PXDNL: variants seen among roughly 807,000 people sequenced by gnomAD.
PXDNL encodes the protein peroxidasin like.
PXDNL carries 145 observed loss-of-function variants against 150.8 expected under a neutral mutation model. The ratio of observed to expected loss-of-function variants is 0.96; its 90% CI spans 0.84 to 1.10. The LOEUF (loss-of-function observed/expected upper bound fraction) is 1.10, where lower values mean the gene tolerates loss of function less well. PXDNL is among the 50% of genes least tolerant of loss of function. The pLI is 0.00. For missense variants in PXDNL, 2,087 were observed against 1,873.9 expected (o/e 1.11, Z -2.10); for synonymous variants, 757 against 725.7 (o/e 1.04, Z -0.69).
At chr8:51,378,185 A>C (rs1303568954) in intron 17 of PXDNL, among the ~76,000 whole-genome samples, 2 of 152,096 alleles carry the variant, frequency 1.3e-5, no homozygotes, top group Non-Finnish European at 2.9e-5. Flanking sequence ...GTCTAGCTCA[A>C]GGTCTGTAAA....
intron 1 of PXDNL, among the ~76,000 whole-genome samples, chr8:51,744,293 G>A (rs71512158): frequency 2.1e-4 from 29 of 139,428 alleles, no homozygotes; most frequent in South Asian, 7.0e-4. Context: ...AGGAAAGAAG[G>A]AAGAAAGAAA....
In PXDNL at chr8:51,408,458, CA is replaced by C. The variant is rs755399673; in HGVS notation, c.3165del (p.Phe1055LeufsTer5). 6.2e-7 allele frequency: 1 copy of C among 1,613,912 alleles called. No homozygotes were observed. The highest frequency in any genetic ancestry group is 2.2e-5 in the East Asian group (1 of 44,884). On this transcript the variant is annotated frameshift_variant, in exon 17 of 23. Coordinates refer to ENST00000356297, the MANE Select transcript of PXDNL (RefSeq NM_144651.5). LOFTEE classifies it high-confidence loss of function. ...AGAATAGGATTGATTAATGTGTGGC[CA>C]AATCTAAAGGCTGCAGTAGCAAAAG... The part of the protein sequence containing the change: ...INSFATAAFR[F>X]GHTLINPILY...
intron 2 of PXDNL, among the ~76,000 whole-genome samples, chr8:51,617,974 G>T (rs963280209): frequency 6.6e-6 from 1 of 152,182 alleles, no homozygotes; most frequent in African/African-American, 2.4e-5. Context: ...GCTCCAATAC[G>T]GGGATTTCCA....
At chr8:51,496,098 C>T (rs1010438967) in intron 5 of PXDNL, among the ~76,000 whole-genome samples, 1 of 152,222 alleles carries the variant, frequency 6.6e-6, no homozygotes, top group African/African-American at 2.4e-5. Context: ...AAGTGGGCTT[C>T]ATCCCTGGGA....
intron 21 of PXDNL, among the ~76,000 whole-genome samples, chr8:51,326,285 G>A (rs1805483858): frequency 6.6e-6 from 1 of 152,156 alleles, no homozygotes; most frequent in African/African-American, 2.4e-5. Context: ...ATCACTTGAG[G>A]TCAGGATTTC....
intron 10 of PXDNL, among the ~76,000 whole-genome samples, chr8:51,452,587 G>A (rs541203257): frequency 6.6e-6 from 1 of 152,254 alleles, no homozygotes; most frequent in South Asian, 2.1e-4. Flanking sequence ...GGGCCACTGG[G>A]GCTCACTGTT....
In PXDNL at chr8:51,409,038, G is replaced by C. The variant is rs754744909; in HGVS notation, c.2586C>G (p.Phe862Leu). 13 of 1,610,418 alleles carry C rather than the reference G, an allele frequency of 8.1e-6. No homozygotes were observed. Among genetic ancestry groups the C allele is most frequent in the Non-Finnish European group, 1.1e-5 (13 of 1,179,708 alleles). The stretch of plus-strand genomic sequence containing the variant: ...TGGCACACGCGGGGCTGGAGCGCGC[G>C]AAGAGCATGCAGGGCGCGTGGGTGC... ...PRGTHAPCML[F>L]ARSSPACASG... The change falls in exon 17 of 23, where the codon TTC becomes TTG. Residue 862 changes from phenylalanine (F) to leucine (L), a missense_variant. Phe to Leu is a conservative substitution (Grantham distance 22, BLOSUM62 0). Coordinates refer to ENST00000356297, the MANE Select transcript of PXDNL (RefSeq NM_144651.5).
chr8:51,543,081 G>A (rs1401032451), intron 4 of PXDNL, among the ~76,000 whole-genome samples: 1 of 152,080 alleles, frequency 6.6e-6, no homozygotes, highest in Non-Finnish European at 1.5e-5. Flanking sequence ...CTAGATTTCA[G>A]AGCCAGCCTG....
chr8:51,545,511 G>A (rs543195057), intron 4 of PXDNL, among the ~76,000 whole-genome samples: 1 of 152,248 alleles, frequency 6.6e-6, no homozygotes, highest in East Asian at 1.9e-4. Flanking sequence ...AATTTATAAT[G>A]AATAGAAACA....
At position 51,805,228 on chromosome 8, in the gene PXDNL, A is replaced by G. The variant is rs146410951; in HGVS notation, c.164+3953T>C. 8.8e-4 allele frequency among the ~76,000 whole-genome samples: 134 copies of G among 152,122 alleles called. 1 individual carries two copies. The highest frequency in any genetic ancestry group is 3.1e-3 in the African/African-American group (129 of 41,508). ...TACTGCCAAGTGGTCATTCAAAGCC[A>G]GTAAGTTATGTCGGTTACAAACAAG... On this transcript the variant is annotated intron_variant, in intron 1 of 22. Transcript: ENST00000356297.
intron 14 of PXDNL, among the ~76,000 whole-genome samples, chr8:51,415,288 C>T (rs1025331438): frequency 1.3e-5 from 2 of 152,106 alleles, no homozygotes; most frequent in Admixed American, 1.3e-4. Flanking sequence ...AAAGAACTAC[C>T]TGAGACTGTG....
chr8:51,344,472 G>T (rs1182921477), intron 20 of PXDNL, among the ~76,000 whole-genome samples: 1 of 151,868 alleles, frequency 6.6e-6, no homozygotes, highest in Non-Finnish European at 1.5e-5. Context: ...TTTCAGACTT[G>T]GACTCCCCTA....
At chr8:51,794,448 C>T (rs569757257) in intron 1 of PXDNL, among the ~76,000 whole-genome samples, 1 of 152,308 alleles carries the variant, frequency 6.6e-6, no homozygotes, top group South Asian at 2.1e-4. Flanking sequence ...GGAAGCCCAT[C>T]AAACTAACTG....
chr8:51,630,945 A>C (rs1814476419), intron 2 of PXDNL, among the ~76,000 whole-genome samples: 1 of 152,180 alleles, frequency 6.6e-6, no homozygotes, highest in Non-Finnish European at 1.5e-5. Flanking sequence ...TACCCAAAGA[A>C]ATATAAATTG....
chr8:51,774,517 C>T (rs2037330880), intron 1 of PXDNL, among the ~76,000 whole-genome samples: 1 of 152,074 alleles, frequency 6.6e-6, no homozygotes, highest in South Asian at 2.1e-4. Flanking sequence ...ACAAAAGAGG[C>T]TTAAAAAGGT....
At chr8:51,518,014 C>G (rs757359348) in intron 4 of PXDNL, among the ~76,000 whole-genome samples, 5 of 152,178 alleles carry the variant, frequency 3.3e-5, no homozygotes, top group Non-Finnish European at 7.3e-5. Flanking sequence ...CATATAATAG[C>G]AAGGCTGTGT....
chr8:51,562,493 G>C (rs1225113963), intron 3 of PXDNL, among the ~76,000 whole-genome samples: 1 of 151,854 alleles, frequency 6.6e-6, no homozygotes, highest in East Asian at 1.9e-4. Context: ...CTATTATATA[G>C]GTTTGACACT....
rs1468339640 is a variant in PXDNL, at chr8:51,622,918, G to A, written c.237-30220C>T. On this transcript the variant is annotated intron_variant, in intron 2 of 22. Transcript: ENST00000356297. ...TCACCCCAACATGGAACAAACGGGG[G>A]TGCTAAGCAGCTTAGCAGATTCACA... Among the ~76,000 whole-genome samples the A allele has an allele frequency of 3.9e-5, 6 of 152,188 alleles. No homozygotes were observed. In the East Asian group the frequency reaches 7.7e-4, roughly 20 times the overall value.
At chr8:51,325,455 C>T (rs1348791198) in intron 21 of PXDNL, among the ~76,000 whole-genome samples, 1 of 152,162 alleles carries the variant, frequency 6.6e-6, no homozygotes, top group Admixed American at 6.5e-5. Context: ...TTCATTACTG[C>T]TGGGTAGAGT....
Sources: allele counts gnomAD v4.1 joint callset (sites outside exome capture counted in the v4.1 genomes callset), GRCh38; gene constraint gnomAD v4.1.1; transcripts MANE v1.5; gene names NCBI Gene and HGNC (gene_info 2026-07-23, HGNC 2026-07-21).